EYS: variants seen among roughly 807,000 people sequenced by gnomAD.
EYS encodes the protein EGF-like photoreceptor maintenance factor, also known as protein eyes shut homolog.
EYS carries 250 observed loss-of-function variants against 282.1 expected under a neutral mutation model. The ratio of observed to expected loss-of-function variants is 0.89; its 90% CI spans 0.80 to 0.98. The LOEUF (loss-of-function observed/expected upper bound fraction) is 0.98, where lower values mean the gene tolerates loss of function less well. Among genes scored for constraint, EYS ranks in the 50% least tolerant of loss-of-function variants. EYS has a pLI of 0.00. For missense variants in EYS, 4,016 were observed against 3,709.0 expected, an observed-to-expected ratio of 1.08 and a Z score of -2.15; for synonymous variants, 1,355 against 1,282.9, an observed-to-expected ratio of 1.06 and a Z score of -1.20.
intron 12 of EYS, among the ~76,000 whole-genome samples, chr6:65,261,385 T>A (rs991875197): frequency 2.0e-5 from 3 of 151,832 alleles, no homozygotes; most frequent in Non-Finnish European, 4.4e-5. Context: ...TAAGGAAAAA[T>A]CCATATCTGT....
chr6:64,687,004 A>G, intron 22 of EYS, among the ~76,000 whole-genome samples: 1 of 149,394 alleles, frequency 6.7e-6, no homozygotes, highest in Non-Finnish European at 1.5e-5. Flanking sequence ...AAATAAACTA[A>G]TTCCTAGAAA....
At position 64,307,055 on chromosome 6, in the gene EYS, C is replaced by T. The variant is rs1230497026; in HGVS notation, c.6106G>A (p.Gly2036Ser). 6.5e-7 allele frequency: 1 copy of T among 1,531,928 alleles called. No individual in the cohort carries two copies. Among genetic ancestry groups the T allele is most frequent in the African/African-American group, 1.4e-5 (1 of 72,252 alleles). The allele number at this position is 1,531,928 out of a possible 1,614,324, so 94.9% of individuals were successfully genotyped here. A position where few individuals can be genotyped will look rare whatever the true frequency, so the allele number is the denominator to read the frequency against. The change falls in exon 30 of 43, where the codon GGC (glycine) becomes AGC (serine). Residue 2036 changes from glycine to serine, a missense_variant. By Grantham distance (56) the Gly-to-Ser change is moderately conservative. Transcript: ENST00000503581. ...TTTATTTCTATAACTTCTATGCAGC[C>T]AGTAAAATTCTTGACTGGTACAGGC... The part of the protein sequence containing the change: ...QMPVPVKNFT[G>S]CIEVIEINNW...
Position 65,495,042 on chromosome 6 carries a change from C to T in EYS, c.369G>A (p.Gln123=), listed in dbSNP as rs1377051683. Reference sequence around the variant, plus strand: ...CTTTTAGTCTGCAGCCAAAAAGTAACTGATCTTCCGTTGTGGTATTTTGCA... The same window carrying T: ...CTTTTAGTCTGCAGCCAAAAAGTAATTGATCTTCCGTTGTGGTATTTTGCA... ...GCVQNTTTED[Q]LLFGCRLKGM... is the part of the protein sequence containing the mutation. Residue 123 remains glutamine (Q), a synonymous_variant, in exon 4 of 43, where the codon CAG becomes CAA. Transcript: ENST00000503581. 1 of 1,614,054 alleles carries T rather than the reference C, an allele frequency of 6.2e-7. No individual in the cohort carries two copies. The highest frequency in any genetic ancestry group is 2.2e-5 in the East Asian group (1 of 44,886).
intron 28 of EYS, among the ~76,000 whole-genome samples, chr6:64,391,593 C>A (rs1341267654): frequency 1.3e-5 from 2 of 151,980 alleles, no homozygotes; most frequent in African/African-American, 2.4e-5. Context: ...TTTGTCACCA[C>A]CAGGCCTGCC....
At chr6:64,464,830 T>C (rs1172013024) in intron 26 of EYS, among the ~76,000 whole-genome samples, 3 of 152,020 alleles carry the variant, frequency 2.0e-5, no homozygotes, top group African/African-American at 7.2e-5. Context: ...TTCACAAATA[T>C]ATGCTTTTTC....
chr6:64,734,275 T>C (rs946802305), intron 22 of EYS, among the ~76,000 whole-genome samples: 4 of 152,180 alleles, frequency 2.6e-5, no homozygotes, highest in African/African-American at 9.6e-5. Context: ...CTAAGAAACA[T>C]TCCTTTTATT....
At chr6:64,760,420 C>A (rs1435432066) in intron 22 of EYS, among the ~76,000 whole-genome samples, 2 of 152,156 alleles carry the variant, frequency 1.3e-5, no homozygotes, top group African/African-American at 4.8e-5. Flanking sequence ...CCTGTTGATA[C>A]TTTCTACATC....
At chr6:64,599,840 T>C (rs975191930) in intron 24 of EYS, among the ~76,000 whole-genome samples, 3 of 152,144 alleles carry the variant, frequency 2.0e-5, no homozygotes, top group Non-Finnish European at 2.9e-5. Flanking sequence ...TATCAATATT[T>C]CTAAGCTAAA....
intron 18 of EYS, among the ~76,000 whole-genome samples, chr6:64,896,773 G>A (rs184617174): frequency 2.6e-5 from 4 of 152,146 alleles, no homozygotes; most frequent in South Asian, 2.1e-4. Flanking sequence ...AGGGAGGGGC[G>A]TCTGCCATTA....
chr6:64,575,578 G>A (rs1217789383), intron 26 of EYS, among the ~76,000 whole-genome samples: 3 of 152,024 alleles, frequency 2.0e-5, no homozygotes, highest in Admixed American at 2.0e-4. Context: ...ATCTAGAGAA[G>A]CATTGGAAGC....
At chr6:64,616,397 T>C (rs758590022) in intron 24 of EYS, among the ~76,000 whole-genome samples, 2 of 152,096 alleles carry the variant, frequency 1.3e-5, no homozygotes, top group Non-Finnish European at 2.9e-5. Context: ...ATTAGAGAAT[T>C]CTCAGAGAAA....
chr6:64,833,592 T>A (rs186910123), intron 19 of EYS, among the ~76,000 whole-genome samples: 2 of 152,010 alleles, frequency 1.3e-5, no homozygotes, highest in East Asian at 1.9e-4. Context: ...CCTCTGAAGA[T>A]ACATATAACA....
Position 64,978,591 on chromosome 6 carries a change from A to G in EYS, c.2259+18991T>C, listed in dbSNP as rs76793777. Among the ~76,000 whole-genome samples, 844 of 152,068 alleles carry G rather than the reference A, an allele frequency of 5.6e-3. 10 individuals are homozygous for G. The highest frequency in any genetic ancestry group is 0.02 in the African/African-American group (810 of 41,534). On this transcript the variant is annotated intron_variant, in intron 14 of 42. Coordinates refer to ENST00000503581, the MANE Select transcript of EYS (RefSeq NM_001142800.2). ...TACTATTTAAGAAATACAATTCATA[A>G]TGCTATAGCTGCTGTAGATAGTAAT...
chr6:64,231,123 CT>C (rs1157731649), intron 30 of EYS, among the ~76,000 whole-genome samples: 2 of 152,088 alleles, frequency 1.3e-5, no homozygotes, highest in South Asian at 2.1e-4. Flanking sequence ...TGTTACAAAT[CT>C]TATGAGCCTA....
intron 13 of EYS, among the ~76,000 whole-genome samples, chr6:65,014,276 T>C (rs1319538871): frequency 6.6e-6 from 1 of 152,180 alleles, no homozygotes; most frequent in Admixed American, 6.5e-5. Context: ...GGCCAACCTT[T>C]TGATTTCAGT....
At chr6:64,375,947 A>T (rs1772549097) in intron 29 of EYS, among the ~76,000 whole-genome samples, 1 of 152,206 alleles carries the variant, frequency 6.6e-6, no homozygotes, top group Admixed American at 6.5e-5. Context: ...CCTAATGCAG[A>T]CTAAATTTTA....
chr6:64,175,690 C>A (rs1365596409), intron 31 of EYS, among the ~76,000 whole-genome samples: 2 of 152,064 alleles, frequency 1.3e-5, no homozygotes, highest in African/African-American at 4.8e-5. Flanking sequence ...AAGACCAGCA[C>A]AGGATGGGCA....
chr6:65,292,148 G>A (rs1421636231), intron 12 of EYS, among the ~76,000 whole-genome samples: 3 of 151,468 alleles, frequency 2.0e-5, no homozygotes, highest in African/African-American at 7.3e-5. Context: ...TACAAGCAAC[G>A]GGCTTATATA....
chr6:64,313,856 T>A (rs1769826605), intron 29 of EYS, among the ~76,000 whole-genome samples: 1 of 151,892 alleles, frequency 6.6e-6, no homozygotes, highest in South Asian at 2.1e-4. Flanking sequence ...ACACAAGAGC[T>A]CCTGAAGGAA....
Sources: allele counts gnomAD v4.1 joint callset (sites outside exome capture counted in the v4.1 genomes callset), GRCh38; gene constraint gnomAD v4.1.1; transcripts MANE v1.5; gene names NCBI Gene and HGNC (gene_info 2026-07-23, HGNC 2026-07-21).